FLT1: variants seen among roughly 807,000 people sequenced by gnomAD.
The protein encoded by FLT1 is fms related receptor tyrosine kinase 1.
A neutral mutation model predicts 156.3 loss-of-function variants in FLT1; 49 were observed. That is an observed-to-expected ratio of 0.31 (90% CI 0.25 to 0.40). The LOEUF is 0.40. FLT1 is among the 10% of genes least tolerant of loss of function. FLT1 has a pLI of 1.00. For missense variants in FLT1, 1,322 were observed against 1,637.2 expected, an observed-to-expected ratio of 0.81 and a Z score of 3.32; for synonymous variants, 594 against 583.8, an observed-to-expected ratio of 1.02 and a Z score of -0.25.
At chr13:28,414,835 A>C (rs1265791603) in intron 10 of FLT1, among the ~76,000 whole-genome samples, 1 of 152,142 alleles carries the variant, frequency 6.6e-6, no homozygotes, top group East Asian at 1.9e-4. Flanking sequence ...ATCAGATGTC[A>C]ACCCTGCCAT....
intron 11 of FLT1, among the ~76,000 whole-genome samples, chr13:28,405,084 A>T (rs1875702064): frequency 6.6e-6 from 1 of 152,036 alleles, no homozygotes; most frequent in South Asian, 2.1e-4. Flanking sequence ...GCAGATTTTT[A>T]AGTGTATTCT....
intron 12 of FLT1, among the ~76,000 whole-genome samples, chr13:28,390,661 T>A (rs1276390492): frequency 2.0e-5 from 3 of 152,142 alleles, no homozygotes; most frequent in African/African-American, 7.2e-5. Context: ...CCTCCCAAAG[T>A]GCTGGGATTA....
Position 28,444,739 on chromosome 13 carries a change from T to G in FLT1, c.389-6394A>C, listed in dbSNP as rs368762250. 5.3e-5 allele frequency among the ~76,000 whole-genome samples: 8 copies of G among 152,134 alleles called. No homozygotes were observed. The East Asian group carries it at 5.8e-4, about 11-fold the overall frequency. On this transcript the variant is annotated intron_variant, in intron 3 of 29. Transcript: ENST00000282397. Reference sequence around the variant, plus strand: ...AATAAATTTGAAAAATTCACAAATATGTGGAAATTGACACATCCCTAAATA... The same window carrying G: ...AATAAATTTGAAAAATTCACAAATAGGTGGAAATTGACACATCCCTAAATA...
At chr13:28,379,028 GAGA>G (rs927333339) in intron 14 of FLT1, among the ~76,000 whole-genome samples, 9 of 152,290 alleles carry the variant, frequency 5.9e-5, no homozygotes, top group East Asian at 1.9e-4. Flanking sequence ...TGGAAGGTGA[GAGA>G]AGATCTTTCA....
chr13:28,423,056 C>T (rs1251175996), intron 10 of FLT1, among the ~76,000 whole-genome samples: 6 of 152,174 alleles, frequency 3.9e-5, no homozygotes, highest in African/African-American at 7.2e-5. Context: ...TAAGATCAAG[C>T]GGAGCTCAGT....
At chr13:28,370,140 C>T (rs911739670) in intron 14 of FLT1, among the ~76,000 whole-genome samples, 4 of 151,638 alleles carry the variant, frequency 2.6e-5, no homozygotes, top group South Asian at 4.2e-4. Context: ...GCCATGGTGA[C>T]GCCACTGCCT....
chr13:28,327,053 C>G (rs112954582), intron 20 of FLT1, among the ~76,000 whole-genome samples: 1 of 152,170 alleles, frequency 6.6e-6, no homozygotes, highest in Non-Finnish European at 1.5e-5. Context: ...GTTGATTTAG[C>G]CTTAGTCAAA....
chr13:28,386,008 C>T (rs1269033530), intron 13 of FLT1: 1 of 1,051,840 alleles, frequency 9.5e-7, no homozygotes, highest in Non-Finnish European at 1.1e-6. Context: ...CCTTTCCCCT[C>T]TTGTTGGAAA....
In FLT1 at chr13:28,316,914, C is replaced by G. The variant is rs143811096; in HGVS notation, c.3386+584G>C. Among the ~76,000 whole-genome samples the G allele has an allele frequency of 1.2e-4, 18 of 152,286 alleles. No homozygotes were observed. The East Asian group carries it at 3.5e-3, about 29-fold the overall frequency. On this transcript the variant is annotated intron_variant, in intron 25 of 29. Transcript: ENST00000282397. ...CTGGGATTACACATGTGAGCCACTG[C>G]GCCCGGCCCCTATTCCTCCCAAAGG...
intron 27 of FLT1, among the ~76,000 whole-genome samples, chr13:28,309,530 A>G (rs1012994667): frequency 7.2e-5 from 11 of 152,066 alleles, no homozygotes; most frequent in Admixed American, 5.9e-4. Context: ...AGGCAAGTTC[A>G]CCTACTGACT....
At chr13:28,444,199 T>C (rs910213179) in intron 3 of FLT1, among the ~76,000 whole-genome samples, 3 of 152,152 alleles carry the variant, frequency 2.0e-5, no homozygotes, top group Admixed American at 2.0e-4. Flanking sequence ...CCCAGCACTT[T>C]GGGAGGCCAA....
rs1872373883 is a variant in FLT1 at position 28,342,426 on chromosome 13, T to C, written c.2355+3019A>G. 5.3e-5 allele frequency among the ~76,000 whole-genome samples: 8 copies of C among 152,182 alleles called. No individual in the cohort carries two copies. In the South Asian group the frequency reaches 1.7e-3, roughly 32 times the overall value. On this transcript the variant is annotated intron_variant, in intron 16 of 29. Transcript: ENST00000282397. ...GCAAGTTTTGCTTCTGTTAGATGTA[T>C]TTCCCTATATGGTGTATCTCCCCTT...
intron 11 of FLT1, among the ~76,000 whole-genome samples, chr13:28,404,766 T>A (rs949649865): frequency 3.9e-5 from 6 of 152,302 alleles, no homozygotes; most frequent in African/African-American, 7.2e-5. Flanking sequence ...ACGCCTGTAA[T>A]CTCAGCACTT....
intron 20 of FLT1, among the ~76,000 whole-genome samples, 176 bp from the exon 21 acceptor site, chr13:28,323,122 G>A (rs1871538039): frequency 6.6e-6 from 1 of 151,996 alleles, no homozygotes; most frequent in African/African-American, 2.4e-5. Context: ...CTCTGGAGTT[G>A]CAGAGTCTAT....
At chr13:28,471,072 C>A (rs61138331) in intron 1 of FLT1, among the ~76,000 whole-genome samples, 2,267 of 152,216 alleles carry the variant, frequency 0.015, 18 homozygotes, top group Middle Eastern at 0.051. Context: ...GTCCCCCAAC[C>A]AGAAGACAAC....
At chr13:28,479,337 T>A (rs1018846500) in intron 1 of FLT1, among the ~76,000 whole-genome samples, 1 of 152,222 alleles carries the variant, frequency 6.6e-6, no homozygotes, top group Non-Finnish European at 1.5e-5. Context: ...CAATTTGAAA[T>A]ATAATTGCCT....
At chr13:28,416,885 G>A (rs1326078436) in intron 10 of FLT1, among the ~76,000 whole-genome samples, 2 of 152,256 alleles carry the variant, frequency 1.3e-5, no homozygotes, top group Middle Eastern at 3.4e-3. Flanking sequence ...ATGATGACAA[G>A]GCAAATGGAA....
At chr13:28,368,675 G>T in intron 14 of FLT1, 74 of 710,024 alleles carry the variant, frequency 1.0e-4, no homozygotes, top group Non-Finnish European at 1.7e-4. Flanking sequence ...TAGGTACACA[G>T]TAAATAATCA....
intron 10 of FLT1, among the ~76,000 whole-genome samples, chr13:28,412,730 C>CTTTTTTTTT (rs752528822): frequency 1.3e-5 from 1 of 79,536 alleles, no homozygotes; most frequent in African/African-American, 5.7e-5. Flanking sequence ...CCCTCACGTT[C>CTTTTTTTTT]TTTTTTTTTT....
Sources: allele counts gnomAD v4.1 joint callset (sites outside exome capture counted in the v4.1 genomes callset), GRCh38; gene constraint gnomAD v4.1.1; transcripts MANE v1.5; gene names NCBI Gene and HGNC (gene_info 2026-07-23, HGNC 2026-07-21).